The following SCN2A variants were observed in gnomAD, a reference collection of about 807,000 sequenced individuals.
SCN2A encodes sodium voltage-gated channel alpha subunit 2.
SCN2A carries 20 observed loss-of-function variants against 188.7 expected under a neutral mutation model. The observed-to-expected ratio is 0.11, with a 90% CI of 0.07 to 0.15. The LOEUF (loss-of-function observed/expected upper bound fraction) is 0.15, where lower values mean the gene tolerates loss of function less well. Ranked by LOEUF, SCN2A falls within the 10% of genes least tolerant of loss-of-function variation. SCN2A has a pLI of 1.00. For missense variants in SCN2A, 1,278 were observed against 2,445.0 expected, an observed-to-expected ratio of 0.52 and a Z score of 10.07; for synonymous variants, 804 against 833.1, an observed-to-expected ratio of 0.97 and a Z score of 0.60.
At chr2:165,332,305 T>C (rs1205496735) in intron 14 of SCN2A, among the ~76,000 whole-genome samples, 1 of 151,998 alleles carries the variant, frequency 6.6e-6, no homozygotes, top group African/African-American at 2.4e-5. Flanking sequence ...ATATACAATA[T>C]TTTTAGGCTC....
chr2:165,296,344 C>T (rs1388118430), intron 2 of SCN2A: 1 of 509,890 alleles, frequency 2.0e-6, no homozygotes, highest in African/African-American at 1.9e-5. Context: ...AGGACAAAAG[C>T]CTATTCACCT....
chr2:165,375,048 C>A, intron 22 of SCN2A, 82 bp downstream of exon 22: 1 of 1,173,828 alleles, frequency 8.5e-7, no homozygotes, highest in Non-Finnish European at 1.3e-6. Context: ...AGATATCCAC[C>A]TGTTAGAATG....
intron 20 of SCN2A, chr2:165,371,616 G>T (rs1005589234): frequency 6.6e-6 from 1 of 152,144 alleles, no homozygotes; most frequent in East Asian, 1.9e-4. Flanking sequence ...ATGCAGGGCG[G>T]GTTCCAGAAA....
At chr2:165,291,405 T>TG (rs1468901880) in intron 1 of SCN2A, among the ~76,000 whole-genome samples, 64 of 143,162 alleles carry the variant, frequency 4.5e-4, no homozygotes, top group Middle Eastern at 3.6e-3. Context: ...CCTTCCTTCC[T>TG]TCCTTCCTTC....
intron 3 of SCN2A, among the ~76,000 whole-genome samples, chr2:165,305,114 G>A (rs1697048442): frequency 6.6e-6 from 1 of 152,146 alleles, no homozygotes; most frequent in African/African-American, 2.4e-5. Context: ...ATAGCAGGCA[G>A]AATTGACAAT....
chr2:165,334,106 A>G (rs188376830), intron 14 of SCN2A, among the ~76,000 whole-genome samples: 20 of 151,450 alleles, frequency 1.3e-4, no homozygotes, highest in Admixed American at 1.1e-3. Context: ...ATAAGTAAAC[A>G]TTGAATTCAC....
intron 25 of SCN2A, 122 bp from the exon 26 acceptor site, chr2:165,386,624 G>A: frequency 4.0e-6 from 4 of 995,804 alleles, no homozygotes; most frequent in Non-Finnish European, 5.8e-6. Context: ...GTAAAATGTT[G>A]TGAGGATTAA....
intron 1 of SCN2A, among the ~76,000 whole-genome samples, chr2:165,264,358 C>G (rs188305154): frequency 1.8e-3 from 280 of 152,208 alleles, no homozygotes; most frequent in Non-Finnish European, 3.3e-3. Context: ...ATCACATGAT[C>G]ATCTAAATAG....
At chr2:165,369,057 C>T (rs1446709777) in intron 19 of SCN2A, among the ~76,000 whole-genome samples, 1 of 151,996 alleles carries the variant, frequency 6.6e-6, no homozygotes, top group African/African-American at 2.4e-5. Context: ...TCGCAAGTAG[C>T]TGGGATTACA....
At chr2:165,361,436 T>C (rs896665658) in intron 17 of SCN2A, among the ~76,000 whole-genome samples, 2 of 152,036 alleles carry the variant, frequency 1.3e-5, no homozygotes, top group African/African-American at 4.8e-5. Flanking sequence ...TACTTTTGAA[T>C]CATCAAAAAG....
At chr2:165,365,566 C>G (rs1434646007) in intron 18 of SCN2A, among the ~76,000 whole-genome samples, 1 of 151,888 alleles carries the variant, frequency 6.6e-6, no homozygotes, top group Non-Finnish European at 1.5e-5. Context: ...ACTGGCTTTT[C>G]TGTGGCCTTC....
intron 1 of SCN2A, chr2:165,294,266 G>A (rs932957229): frequency 6.1e-5 from 17 of 279,092 alleles, no homozygotes; most frequent in African/African-American, 3.7e-4. Flanking sequence ...GTTTTAGCAT[G>A]TCTCTTCTAT....
chr2:165,286,984 G>A (rs984001918), intron 1 of SCN2A, among the ~76,000 whole-genome samples: 2 of 152,180 alleles, frequency 1.3e-5, no homozygotes, highest in Non-Finnish European at 2.9e-5. Context: ...ATCCATAGAG[G>A]TCTGCAGCAA....
At chr2:165,351,526 T>G (rs1168967114) in intron 16 of SCN2A, among the ~76,000 whole-genome samples, 1 of 151,918 alleles carries the variant, frequency 6.6e-6, no homozygotes, top group Non-Finnish European at 1.5e-5. Context: ...TCCTCACTTA[T>G]TCTGCAAACA....
chr2:165,264,125 G>T (rs1434460858), intron 1 of SCN2A, among the ~76,000 whole-genome samples: 1 of 152,006 alleles, frequency 6.6e-6, no homozygotes, highest in East Asian at 1.9e-4. Flanking sequence ...CAATTTAGAT[G>T]TCCTTTATTC....
chr2:165,312,143 A>G lies in SCN2A; in HGVS notation c.1034+55A>G, dbSNP rs1368061126. 4 of 1,287,310 alleles carry G rather than the reference A, an allele frequency of 3.1e-6. No homozygotes were observed. The Admixed American group carries it at 6.8e-5, about 22-fold the overall frequency. 79.7% of individuals were successfully genotyped at this position (1,287,310 alleles called of 1,614,324 possible). On this transcript the variant is annotated intron_variant, in intron 8 of 26. Coordinates refer to ENST00000375437, the MANE Select transcript of SCN2A (RefSeq NM_001040142.2). ...CCACACTGCTCCATCAGTGTCAATA[A>G]CCTGCCACCTCCCACTCATCCAGTC... is the stretch of plus-strand genomic sequence containing the variant.
At position 165,373,225 on chromosome 2, in the gene SCN2A, G is replaced by A; in HGVS notation, c.3850G>A (p.Val1284Ile). 6.2e-7 allele frequency: 1 copy of A among 1,613,144 alleles called. No homozygotes were observed. The highest frequency in any genetic ancestry group is 8.5e-7 in the Non-Finnish European group (1 of 1,179,314). Residue 1284 changes from valine to isoleucine, a missense_variant and splice_region_variant, in exon 21 of 27, where the codon GTC becomes ATC. By Grantham distance (29) the Val-to-Ile change is conservative. Coordinates refer to ENST00000375437, the MANE Select transcript of SCN2A (RefSeq NM_001040142.2). Reference protein sequence around the residue: ...WCWLDFLIVDVSLVSLTANAL... With the variant: ...WCWLDFLIVDISLVSLTANAL... ...AAATTGTGTTGCTTTTTCTGTATAG[G>A]TCTCACTGGTTAGCTTAACTGCAAA...
At chr2:165,295,381 T>C (rs182065011) in intron 1 of SCN2A, among the ~76,000 whole-genome samples, 6 of 152,368 alleles carry the variant, frequency 3.9e-5, no homozygotes, top group African/African-American at 1.4e-4. Flanking sequence ...GTTTCATCTC[T>C]TGTTTTGGAT....
At chr2:165,369,829 C>T (rs1241851304) in intron 19 of SCN2A, among the ~76,000 whole-genome samples, 2 of 152,146 alleles carry the variant, frequency 1.3e-5, no homozygotes, top group Non-Finnish European at 1.5e-5. Flanking sequence ...TACTCCCAGG[C>T]GTTCCACTGC....
Sources: gnomAD v4.1 joint callset for allele counts (sites outside exome capture counted in the v4.1 genomes callset) on GRCh38, gnomAD v4.1.1 for gene constraint, MANE v1.5 for transcripts, NCBI Gene and HGNC (gene_info 2026-07-23, HGNC 2026-07-21) for gene names.